PDE6C: variants seen among roughly 807,000 people sequenced by gnomAD.
PDE6C encodes the protein phosphodiesterase 6C.
In PDE6C, 75 loss-of-function variants were observed where a neutral mutation model predicts 113.1. That is an observed-to-expected ratio of 0.66 (90% CI 0.55 to 0.80). The LOEUF (loss-of-function observed/expected upper bound fraction) is 0.80. Among genes scored for constraint, PDE6C ranks in the 30% least tolerant of loss-of-function variants. The pLI, the probability that PDE6C is intolerant of heterozygous loss-of-function variation, is 0.00. For synonymous variants in PDE6C, 375 were observed against 363.7 expected (o/e 1.03, Z -0.35); for missense variants, 912 against 1,038.6 (o/e 0.88, Z 1.67).
intron 4 of PDE6C, 144 bp from the exon 5 acceptor site, chr10:93,625,431 T>A (rs2058468738): frequency 3.0e-6 from 2 of 674,016 alleles, no homozygotes; most frequent in African/African-American, 3.6e-5. Flanking sequence ...CTAACCAGTA[T>A]TGCTGGGAAT....
chr10:93,612,565 G>A lies in PDE6C; in HGVS notation c.-161G>A. The A allele has an allele frequency of 5.3e-6, 5 of 943,616 alleles. No homozygotes were observed. Among genetic ancestry groups the A allele is most frequent in the Non-Finnish European group, 8.3e-6 (5 of 602,240 alleles). The allele number at this position is 943,616 out of a possible 1,614,324, so 58.5% of individuals were successfully genotyped here. The stretch of plus-strand genomic sequence containing the variant: ...ACATCCCAAGAGTTACAGGCAGTTT[G>A]AAAGCTCTGCTTTCTGCTTGACCTT... On this transcript the variant is annotated 5_prime_UTR_variant, in exon 1 of 22. Coordinates refer to ENST00000371447, the MANE Select transcript of PDE6C (RefSeq NM_006204.4).
chr10:93,662,635 G>C lies in PDE6C; in HGVS notation c.2359G>C (p.Val787Leu). 3 of 1,304,402 alleles carry C rather than the reference G, an allele frequency of 2.3e-6. No homozygotes were observed. The South Asian group carries it at 3.5e-5, about 15-fold the overall frequency. 80.8% of individuals were successfully genotyped at this position (1,304,402 alleles called of 1,614,324 possible). ...ATTTATTGATTTTGTTTGTACTTTTGTATATAAGGTAAGTAAGCAAATTAT... is the reference window on the plus strand; with the variant it reads ...ATTTATTGATTTTGTTTGTACTTTTCTATATAAGGTAAGTAAGCAAATTAT... ...VGFIDFVCTF[V>L]YKEFSRFHKE... Residue 787 changes from valine (V) to leucine (L), a missense_variant, in exon 20 of 22, where the codon GTA (valine) becomes CTA (leucine). Val to Leu is a conservative substitution (Grantham distance 32). Transcript: ENST00000371447.
rs1554891554 is a variant in PDE6C, at chr10:93,654,774, CTTTCTT to C, written c.1936-984_1936-979del. Among the ~76,000 whole-genome samples the C allele has an allele frequency of 9.1e-4, 51 of 55,936 alleles. 2 individuals are homozygous for C. Among genetic ancestry groups the C allele is most frequent in the African/African-American group, 2.5e-3 (48 of 19,196 alleles). The allele number at this position is 55,936 out of a possible 152,430, so 36.7% of individuals were successfully genotyped here. ...ATTTTCTTTCTTTCTTTCTTTCTTT[CTTTCTT>C]TCTTTCTTTCTTTCTTTCTTTCTTT... On this transcript the variant is annotated intron_variant, in intron 15 of 21. Coordinates refer to ENST00000371447, the MANE Select transcript of PDE6C (RefSeq NM_006204.4).
chr10:93,622,662 GTTGTT>G (rs1564796665), intron 4 of PDE6C, among the ~76,000 whole-genome samples: 14 of 49,748 alleles, frequency 2.8e-4, no homozygotes, highest in African/African-American at 7.7e-4. Flanking sequence ...TTTTTTTTTT[GTTGTT>G]TTTTTTTTTT....
intron 4 of PDE6C, among the ~76,000 whole-genome samples, chr10:93,622,653 T>C (rs1589693777): frequency 9.1e-6 from 1 of 110,346 alleles, no homozygotes; most frequent in Non-Finnish European, 1.8e-5. Context: ...TTTTTTTGTT[T>C]TTTTTTTTGT....
Position 93,663,080 on chromosome 10 carries a change from A to G in PDE6C, c.2420A>G (p.Asn807Ser), listed in dbSNP as rs1221473044. The G allele has an allele frequency of 2.5e-6, 4 of 1,613,250 alleles. No individual in the cohort carries two copies. Among genetic ancestry groups the G allele is most frequent in the African/African-American group, 1.3e-5 (1 of 74,896 alleles). Residue 807 changes from asparagine to serine, a missense_variant, in exon 21 of 22, where the codon AAT (asparagine) becomes AGT (serine). Asn to Ser is a conservative substitution (Grantham distance 46, BLOSUM62 1). Transcript: ENST00000371447. ...EITPMLSGLQ[N>S]NRVEWKSLAD... Reference sequence around the variant, plus strand: ...ACACCTATGCTGAGTGGTCTTCAGAATAACAGAGTAGAATGGAAATCACTA... The same window carrying G: ...ACACCTATGCTGAGTGGTCTTCAGAGTAACAGAGTAGAATGGAAATCACTA...
Position 93,612,629 on chromosome 10 carries a change from A to G in PDE6C, c.-97A>G. ...AGGGACCATTTACGGTTTCCTCAGT[A>G]ATTTCCACCAGGATGAATTTCCTTC... On this transcript the variant is annotated 5_prime_UTR_variant, in exon 1 of 22. It removes the in-frame stop codon of an upstream open reading frame in the 5' UTR. Transcript: ENST00000371447. 6.4e-7 allele frequency: 1 copy of G among 1,554,116 alleles called. No homozygotes were observed. The highest frequency in any genetic ancestry group is 8.8e-7 in the Non-Finnish European group (1 of 1,132,184).
chr10:93,636,368 T>TTGTGTG (rs56143950), intron 10 of PDE6C, among the ~76,000 whole-genome samples: 28,697 of 140,604 alleles, frequency 0.2, 3,188 homozygotes, highest in South Asian at 0.4. Flanking sequence ...TTCCCTGGCT[T>TTGTGTG]TGTGTGTGTG....
At chr10:93,624,871 G>T (rs938403984) in intron 4 of PDE6C, among the ~76,000 whole-genome samples, 2 of 152,134 alleles carry the variant, frequency 1.3e-5, no homozygotes, top group Non-Finnish European at 2.9e-5. Context: ...TGCTGGTGAG[G>T]CCTCCTCTTA....
intron 8 of PDE6C, among the ~76,000 whole-genome samples, chr10:93,633,481 TA>T (rs1242042206): frequency 9.6e-5 from 13 of 135,758 alleles, no homozygotes; most frequent in South Asian, 2.4e-4. Flanking sequence ...AAAAAAAAAA[TA>T]AAAAAAAATA....
At chr10:93,637,126 T>C in intron 11 of PDE6C, 63 bp downstream of exon 11, 1 of 812,526 alleles carries the variant, frequency 1.2e-6, no homozygotes, top group Non-Finnish European at 2.2e-6. Context: ...CAATAATATA[T>C]TAGGACATGC....
chr10:93,619,775 T>C (rs997456511), intron 1 of PDE6C, among the ~76,000 whole-genome samples: 13 of 152,188 alleles, frequency 8.5e-5, no homozygotes, highest in Admixed American at 6.5e-4. Flanking sequence ...AAAAACTGTA[T>C]GTTCCTGTGG....
At chr10:93,655,934 AT>A (rs1403960011) in intron 16 of PDE6C, 74 bp downstream of exon 16, 4 of 829,172 alleles carry the variant, frequency 4.8e-6, no homozygotes, top group African/African-American at 1.7e-5. Context: ...TATCTGTTGC[AT>A]TAATGTTAAA....
At position 93,663,172 on chromosome 10, in the gene PDE6C, G is replaced by A. The variant is rs777275171; in HGVS notation, c.2512G>A (p.Glu838Lys). ...GGCAAAAAAGCAAGAAGGAGGAGCCGAAAAAGGTTAGATGGGCTCTGTTTT... is the reference window on the plus strand; with the variant it reads ...GGCAAAAAAGCAAGAAGGAGGAGCCAAAAAAGGTTAGATGGGCTCTGTTTT... ...EEAKKQEGGAEKAAEDSGGGD... is the reference protein window; with the variant it reads ...EEAKKQEGGAKKAAEDSGGGD... The change falls in exon 21 of 22, where the codon GAA becomes AAA. Residue 838 changes from glutamate to lysine, a missense_variant. Transcript: ENST00000371447. 6.9e-5 allele frequency: 112 copies of A among 1,613,064 alleles called. No homozygotes were observed. Among genetic ancestry groups the A allele is most frequent in the Middle Eastern group, 3.3e-4 (2 of 6,060 alleles).
chr10:93,640,404 C>T, intron 12 of PDE6C, 46 bp from the exon 13 acceptor site: 2 of 1,470,724 alleles, frequency 1.4e-6, no homozygotes, highest in East Asian at 2.3e-5. Flanking sequence ...ACCTTCTAAC[C>T]TTTAGAATTC....
chr10:93,619,799 G>T (rs1286266449), intron 1 of PDE6C, among the ~76,000 whole-genome samples: 1 of 152,160 alleles, frequency 6.6e-6, no homozygotes, highest in Non-Finnish European at 1.5e-5. Flanking sequence ...CAGCAAAAGG[G>T]ATTTCCTTTT....
At chr10:93,662,979 A>C in intron 20 of PDE6C, 49 bp from the exon 21 acceptor site, 2 of 1,523,654 alleles carry the variant, frequency 1.3e-6, no homozygotes, top group Non-Finnish European at 1.8e-6. Flanking sequence ...AAAGATCCTG[A>C]AAATTAACTG....
chr10:93,629,327 C>T, intron 8 of PDE6C, 22 bp downstream of exon 8: 8 of 1,556,664 alleles, frequency 5.1e-6, no homozygotes, highest in Non-Finnish European at 7.1e-6. Context: ...CTGGGTCAGA[C>T]CTCACCTCTT....
intron 16 of PDE6C, among the ~76,000 whole-genome samples, chr10:93,656,442 T>C (rs1180713151): frequency 6.6e-6 from 1 of 152,156 alleles, no homozygotes; most frequent in African/African-American, 2.4e-5. Context: ...AAGTGAACTA[T>C]AAAGTTGCTT....
Sources: gnomAD v4.1 joint callset for allele counts (sites outside exome capture counted in the v4.1 genomes callset) on GRCh38, gnomAD v4.1.1 for gene constraint, MANE v1.5 for transcripts, NCBI Gene and HGNC (gene_info 2026-07-23, HGNC 2026-07-21) for gene names.